CDK14: variants seen among roughly 807,000 people sequenced by gnomAD.
CDK14 encodes the protein cyclin-dependent kinase 14.
A neutral mutation model predicts 60.7 loss-of-function variants in CDK14; 34 were observed. The observed-to-expected ratio is 0.56, with a 90% CI of 0.43 to 0.75. CDK14 has a LOEUF of 0.75. Among genes scored for constraint, CDK14 ranks in the 30% least tolerant of loss-of-function variants. CDK14 has a pLI of 0.00. For synonymous variants in CDK14, 197 were observed against 203.7 expected (o/e 0.97, Z 0.28); for missense variants, 482 against 564.1 (o/e 0.85, Z 1.47).
intron 2 of CDK14, among the ~76,000 whole-genome samples, chr7:90,664,608 C>A (rs1003714361): frequency 2.1e-4 from 32 of 152,044 alleles, no homozygotes; most frequent in Non-Finnish European, 5.9e-5. Context: ...ACTATGCAGC[C>A]ATAAAAAATG....
At position 90,773,739 on chromosome 7, in the gene CDK14, C is replaced by A. The variant is rs554018842; in HGVS notation, c.465-16834C>A. 9.2e-5 allele frequency among the ~76,000 whole-genome samples: 14 copies of A among 152,176 alleles called. No homozygotes were observed. The South Asian group carries it at 2.7e-3, about 29-fold the overall frequency. ...TGACTGTGTATAAAACCAGTTCATT[C>A]AAAATCAGGCTGATTTGTACTCTGG... On this transcript the variant is annotated intron_variant, in intron 4 of 14. Coordinates refer to ENST00000380050, the MANE Select transcript of CDK14 (RefSeq NM_001287135.2).
At chr7:90,601,930 G>C (rs1288846143) in intron 1 of CDK14, among the ~76,000 whole-genome samples, 7 of 87,528 alleles carry the variant, frequency 8.0e-5, no homozygotes, top group Non-Finnish European at 1.4e-4. Flanking sequence ...TTTTATGTAT[G>C]TATGTATGTA....
chr7:90,705,871 G>A (rs907559185), intron 2 of CDK14, among the ~76,000 whole-genome samples: 4 of 151,842 alleles, frequency 2.6e-5, no homozygotes, highest in Non-Finnish European at 5.9e-5. Context: ...AAACCCCGAG[G>A]GCTGCTGCTG....
intron 2 of CDK14, among the ~76,000 whole-genome samples, chr7:90,721,004 C>A (rs1445162518): frequency 2.0e-5 from 3 of 152,078 alleles, no homozygotes; most frequent in Non-Finnish European, 4.4e-5. Context: ...AATTTAACTT[C>A]TTTAAAAAAA....
intron 2 of CDK14, chr7:90,710,527 A>G: frequency 4.1e-6 from 4 of 985,288 alleles, no homozygotes; most frequent in Non-Finnish European, 4.8e-6. Context: ...GATCACAGAA[A>G]TACACCTGCT....
intron 2 of CDK14, among the ~76,000 whole-genome samples, chr7:90,702,118 A>G (rs1033896880): frequency 2.6e-5 from 4 of 152,158 alleles, no homozygotes; most frequent in Admixed American, 2.0e-4. Context: ...GTGGGGTGGA[A>G]AAACCATTCC....
intron 5 of CDK14, among the ~76,000 whole-genome samples, chr7:90,819,123 TG>T (rs564966942): frequency 3.4e-4 from 52 of 152,262 alleles, no homozygotes; most frequent in African/African-American, 1.2e-3. Flanking sequence ...GAGTTGTTAC[TG>T]GAAACTTCAT....
At chr7:90,868,486 GAAAC>G (rs780441305) in intron 6 of CDK14, among the ~76,000 whole-genome samples, 3 of 151,924 alleles carry the variant, frequency 2.0e-5, no homozygotes, top group Non-Finnish European at 4.4e-5. Context: ...ATAAAGCTGT[GAAAC>G]AAAGAAAAGC....
At chr7:91,141,347 C>T (rs43007) in intron 14 of CDK14, among the ~76,000 whole-genome samples, 122,651 of 152,144 alleles carry the variant, frequency 0.81, 50,364 homozygotes, top group Non-Finnish European at 0.89. Context: ...CCTTCACTGG[C>T]GACTTCAAAG....
At chr7:90,985,786 T>G (rs1795358062) in intron 10 of CDK14, among the ~76,000 whole-genome samples, 1 of 152,142 alleles carries the variant, frequency 6.6e-6, no homozygotes, top group Admixed American at 6.5e-5. Flanking sequence ...ATCAGCAAAG[T>G]CCCTAACATA....
At chr7:90,871,788 A>G (rs921411790) in intron 6 of CDK14, among the ~76,000 whole-genome samples, 2 of 152,206 alleles carry the variant, frequency 1.3e-5, no homozygotes, top group Admixed American at 6.5e-5. Flanking sequence ...GAGGAAATTT[A>G]GGCTAAGATG....
In CDK14 at chr7:90,607,042, G is replaced by A. The variant is rs377571003; in HGVS notation, c.123+2793G>A. On this transcript the variant is annotated intron_variant, in intron 2 of 14. Transcript: ENST00000380050. Reference sequence around the variant, plus strand: ...ATGTACTGACCTTGTAGTAAGGTTTGAGGGAGGCACATCTTACACATGAGG... The same window carrying A: ...ATGTACTGACCTTGTAGTAAGGTTTAAGGGAGGCACATCTTACACATGAGG... Among the ~76,000 whole-genome samples, 4 of 152,238 alleles carry A rather than the reference G, an allele frequency of 2.6e-5. No individual in the cohort carries two copies. The East Asian group carries it at 5.8e-4, about 22-fold the overall frequency.
At chr7:90,849,598 A>T (rs1291084422) in intron 5 of CDK14, among the ~76,000 whole-genome samples, 4 of 151,998 alleles carry the variant, frequency 2.6e-5, no homozygotes, top group African/African-American at 7.3e-5. Flanking sequence ...GTGGGGAGCC[A>T]TAGCAGTGAT....
intron 6 of CDK14, among the ~76,000 whole-genome samples, chr7:90,867,456 T>C (rs1376946651): frequency 6.6e-6 from 1 of 152,198 alleles, no homozygotes; most frequent in East Asian, 1.9e-4. Context: ...ATAAGAATGC[T>C]GATAGCAAAC....
intron 5 of CDK14, among the ~76,000 whole-genome samples, chr7:90,799,411 G>A (rs573803178): frequency 6.6e-6 from 1 of 152,030 alleles, no homozygotes; most frequent in African/African-American, 2.4e-5. Context: ...AACCTGGCTG[G>A]GTGCGGTGGC....
chr7:90,898,099 C>A (rs1792392754), intron 6 of CDK14, among the ~76,000 whole-genome samples: 1 of 152,050 alleles, frequency 6.6e-6, no homozygotes, highest in Admixed American at 6.6e-5. Context: ...TTCCAGAGAC[C>A]TTTCTGAAAT....
chr7:91,142,315 C>T (rs1800493633), intron 14 of CDK14, among the ~76,000 whole-genome samples: 1 of 152,200 alleles, frequency 6.6e-6, no homozygotes, highest in African/African-American at 2.4e-5. Flanking sequence ...TTAGCAAAGG[C>T]TGTGACCTGA....
chr7:91,128,341 A>G (rs568217389), intron 14 of CDK14, among the ~76,000 whole-genome samples: 4 of 152,282 alleles, frequency 2.6e-5, no homozygotes, highest in African/African-American at 9.6e-5. Flanking sequence ...AAGCTACTGT[A>G]TATAGCTTTC....
In CDK14 at chr7:90,623,839, A is replaced by G. The variant is rs750422383; in HGVS notation, c.123+19590A>G. 1.5e-4 allele frequency among the ~76,000 whole-genome samples: 23 copies of G among 152,278 alleles called. No individual in the cohort carries two copies. In the Middle Eastern group the frequency reaches 0.014, roughly 90 times the overall value. On this transcript the variant is annotated intron_variant, in intron 2 of 14. Transcript: ENST00000380050. ...TTTTAAAACACAGCTCCTGAACCTG[A>G]AAGTCCAGTGAAGATTTCATCTGGA...
Sources: gnomAD v4.1 joint callset for allele counts (sites outside exome capture counted in the v4.1 genomes callset) on GRCh38, gnomAD v4.1.1 for gene constraint, MANE v1.5 for transcripts, NCBI Gene and HGNC (gene_info 2026-07-23, HGNC 2026-07-21) for gene names.